Variants in ATRN observed in about 807,000 individuals in gnomAD.
ATRN encodes the protein attractin-2.
In ATRN, 54 loss-of-function variants were observed where a neutral mutation model predicts 178.7. The ratio of observed to expected loss-of-function variants is 0.30; its 90% CI spans 0.24 to 0.38. ATRN has a LOEUF of 0.38. ATRN is among the 10% of genes least tolerant of loss of function. The pLI is 1.00. For synonymous variants in ATRN, 636 were observed against 663.0 expected, an observed-to-expected ratio of 0.96 and a Z score of 0.63; for missense variants, 1,443 against 1,815.1, an observed-to-expected ratio of 0.79 and a Z score of 3.73.
chr20:3,560,304 T>A (rs1461829414), intron 7 of ATRN, among the ~76,000 whole-genome samples: 1 of 152,214 alleles, frequency 6.6e-6, no homozygotes, highest in African/African-American at 2.4e-5. Flanking sequence ...CAGTCCATGT[T>A]GCTACAAAAT....
At chr20:3,560,226 A>G (rs1392154303) in intron 7 of ATRN, among the ~76,000 whole-genome samples, 1 of 152,060 alleles carries the variant, frequency 6.6e-6, no homozygotes, top group Non-Finnish European at 1.5e-5. Context: ...TAGTTCCCAC[A>G]TATGATTGAT....
intron 1 of ATRN, among the ~76,000 whole-genome samples, chr20:3,492,830 GAAA>G: frequency 6.9e-6 from 1 of 145,414 alleles, no homozygotes; most frequent in African/African-American, 2.7e-5. Flanking sequence ...GAGAGAAATA[GAAA>G]GGGAGAGAGA....
At chr20:3,618,296 G>A (rs1255780517) in intron 24 of ATRN, among the ~76,000 whole-genome samples, 4 of 152,144 alleles carry the variant, frequency 2.6e-5, no homozygotes, top group Admixed American at 6.5e-5. Context: ...TTAAAGTGAT[G>A]CCTAAAATGG....
chr20:3,484,120 A>C (rs1165706426), intron 1 of ATRN, among the ~76,000 whole-genome samples: 2 of 152,114 alleles, frequency 1.3e-5, no homozygotes, highest in South Asian at 4.1e-4. Flanking sequence ...ATGATAGCAC[A>C]TAACTGTAGT....
intron 12 of ATRN, 45 bp downstream of exon 12, chr20:3,572,996 T>G (rs1353918806): frequency 6.6e-7 from 1 of 1,520,682 alleles, no homozygotes. Flanking sequence ...ATTTGAGACC[T>G]CATTTTATCT....
intron 1 of ATRN, chr20:3,490,746 A>G (rs2084780893): frequency 7.6e-6 from 6 of 791,856 alleles, no homozygotes; most frequent in Non-Finnish European, 1.4e-5. Flanking sequence ...GAATTCCTTT[A>G]TTTACTCGAG....
chr20:3,592,047 G>C (rs904981592), intron 19 of ATRN, among the ~76,000 whole-genome samples: 1 of 152,130 alleles, frequency 6.6e-6, no homozygotes, highest in African/African-American at 2.4e-5. Flanking sequence ...AATCACACAC[G>C]GGCTTTTTAA....
chr20:3,560,338 G>A lies in ATRN; in HGVS notation c.1204-324G>A, dbSNP rs143202703. Among the ~76,000 whole-genome samples, 259 of 152,106 alleles carry A rather than the reference G, an allele frequency of 1.7e-3. 1 individual carries two copies. Among genetic ancestry groups the A allele is most frequent in the South Asian group, 0.017 (81 of 4,818 alleles). On this transcript the variant is annotated intron_variant, in intron 7 of 28. Coordinates refer to ENST00000262919, the MANE Select transcript of ATRN (RefSeq NM_139321.3). The stretch of plus-strand genomic sequence containing the variant: ...ATGACTGGATGTCATTCTTTTTAAC[G>A]GCTGAATAATGCTCCATTGTGTATA...
intron 6 of ATRN, among the ~76,000 whole-genome samples, chr20:3,551,180 G>A (rs951776659): frequency 2.0e-5 from 3 of 152,178 alleles, no homozygotes; most frequent in Admixed American, 6.5e-5. Flanking sequence ...AGAATACTAT[G>A]CTCTATCCCC....
At chr20:3,537,930 TTA>T (rs1250336425) in intron 2 of ATRN, among the ~76,000 whole-genome samples, 1 of 150,936 alleles carries the variant, frequency 6.6e-6, no homozygotes, top group Admixed American at 6.6e-5. Context: ...TTTTTTATTA[TTA>T]TTTTTTTCAT....
chr20:3,584,199 C>T, intron 17 of ATRN, 116 bp downstream of exon 17: 3 of 1,173,680 alleles, frequency 2.6e-6, no homozygotes, highest in Non-Finnish European at 3.7e-6. Context: ...TGGACATGAC[C>T]TCTGCTCAAA....
intron 15 of ATRN, among the ~76,000 whole-genome samples, chr20:3,581,922 A>G (rs530307159): frequency 6.6e-6 from 1 of 152,218 alleles, no homozygotes; most frequent in East Asian, 1.9e-4. Flanking sequence ...GTTTTTATCT[A>G]GAAGCTTGTT....
At chr20:3,548,380 C>T (rs1444016077) in intron 5 of ATRN, among the ~76,000 whole-genome samples, 1 of 152,026 alleles carries the variant, frequency 6.6e-6, no homozygotes, top group Non-Finnish European at 1.5e-5. Context: ...GCAGGCGGCT[C>T]ACTGAGGTCA....
chr20:3,526,669 T>G (rs1381238716), intron 1 of ATRN, among the ~76,000 whole-genome samples: 1 of 152,194 alleles, frequency 6.6e-6, no homozygotes, highest in Admixed American at 6.5e-5. Flanking sequence ...GGCATCTTGC[T>G]ACCTGACTTC....
At chr20:3,519,363 A>G (rs916681550) in intron 1 of ATRN, among the ~76,000 whole-genome samples, 2 of 152,230 alleles carry the variant, frequency 1.3e-5, no homozygotes, top group African/African-American at 4.8e-5. Context: ...TAAATTAAAA[A>G]TCTAGAACAT....
chr20:3,472,783 T>C (rs1282313026), intron 1 of ATRN, among the ~76,000 whole-genome samples: 1 of 152,098 alleles, frequency 6.6e-6, no homozygotes, highest in Non-Finnish European at 1.5e-5. Flanking sequence ...TTTGAGCATG[T>C]AAGGTTAAGT....
At chr20:3,595,672 C>G (rs765922619) in intron 20 of ATRN, among the ~76,000 whole-genome samples, 12 of 152,226 alleles carry the variant, frequency 7.9e-5, no homozygotes, top group African/African-American at 2.7e-4. Context: ...GTAAGACTTT[C>G]AAGTTCCTTC....
chr20:3,476,212 T>C (rs2084527893), intron 1 of ATRN, among the ~76,000 whole-genome samples: 1 of 152,234 alleles, frequency 6.6e-6, no homozygotes, highest in Admixed American at 6.5e-5. Context: ...AACTCCCTTT[T>C]AGTCCTTAGA....
intron 1 of ATRN, among the ~76,000 whole-genome samples, chr20:3,499,665 C>T (rs2146104876): frequency 1.4e-5 from 2 of 146,784 alleles, no homozygotes; most frequent in Non-Finnish European, 3.0e-5. Context: ...CTTCCTTACA[C>T]CTTATACAAA....
Sources: gnomAD v4.1 joint callset for allele counts (sites outside exome capture counted in the v4.1 genomes callset) on GRCh38, gnomAD v4.1.1 for gene constraint, MANE v1.5 for transcripts, NCBI Gene and HGNC (gene_info 2026-07-23, HGNC 2026-07-21) for gene names.